Variants in GPC6 observed in about 807,000 individuals in gnomAD.
GPC6 encodes the protein glypican 6, also known as glypican-6.
GPC6 carries 14 observed loss-of-function variants against 55.2 expected under a neutral mutation model. The ratio of observed to expected loss-of-function variants is 0.25; its 90% CI spans 0.17 to 0.40. The LOEUF (loss-of-function observed/expected upper bound fraction) is 0.40. Ranked by LOEUF, GPC6 falls within the 10% of genes least tolerant of loss-of-function variation. GPC6 has a pLI of 1.00. For synonymous variants in GPC6, 278 were observed against 259.6 expected, an observed-to-expected ratio of 1.07 and a Z score of -0.68; for missense variants, 641 against 708.5, an observed-to-expected ratio of 0.90 and a Z score of 1.08.
intron 1 of GPC6, among the ~76,000 whole-genome samples, chr13:93,335,789 C>G (rs2139142802): frequency 6.6e-6 from 1 of 152,224 alleles, no homozygotes; most frequent in Middle Eastern, 3.4e-3. Context: ...AATAAGCCTG[C>G]CATTTCCTAT....
chr13:94,111,758 C>T (rs1886257485), intron 4 of GPC6, among the ~76,000 whole-genome samples: 1 of 152,010 alleles, frequency 6.6e-6, no homozygotes, highest in South Asian at 2.1e-4. Context: ...TTTTCTTCAC[C>T]TTAGTACTCC....
At chr13:93,597,359 A>G (rs904222341) in intron 2 of GPC6, among the ~76,000 whole-genome samples, 1 of 152,182 alleles carries the variant, frequency 6.6e-6, no homozygotes, top group African/African-American at 2.4e-5. Context: ...GCCTTTCCCT[A>G]TGGTGGTGTG....
chr13:94,060,276 G>A (rs903952075), intron 4 of GPC6, among the ~76,000 whole-genome samples: 3 of 152,166 alleles, frequency 2.0e-5, no homozygotes, highest in East Asian at 1.9e-4. Flanking sequence ...CAGTCTATAT[G>A]ATTTACTTAT....
At chr13:94,117,539 G>A (rs1886475700) in intron 4 of GPC6, among the ~76,000 whole-genome samples, 1 of 152,100 alleles carries the variant, frequency 6.6e-6, no homozygotes, top group Non-Finnish European at 1.5e-5. Context: ...GGAAGAGGAA[G>A]AAGAGGTGGT....
intron 1 of GPC6, among the ~76,000 whole-genome samples, chr13:93,295,352 A>G (rs918212463): frequency 6.6e-6 from 1 of 151,564 alleles, no homozygotes; most frequent in African/African-American, 2.4e-5. Context: ...AAAGAATCCT[A>G]TAGACTAGGT....
intron 1 of GPC6, among the ~76,000 whole-genome samples, chr13:93,516,846 G>A (rs531341142): frequency 6.6e-6 from 1 of 152,172 alleles, no homozygotes; most frequent in Non-Finnish European, 1.5e-5. Context: ...TTTGAATTGG[G>A]TGGATATGCA....
intron 4 of GPC6, among the ~76,000 whole-genome samples, chr13:94,228,686 A>T (rs1890628891): frequency 6.6e-6 from 1 of 152,128 alleles, no homozygotes; most frequent in African/African-American, 2.4e-5. Flanking sequence ...ACGTACACAT[A>T]GGCCTAAAGA....
intron 1 of GPC6, among the ~76,000 whole-genome samples, chr13:93,510,897 G>A (rs1233745829): frequency 6.9e-6 from 1 of 144,562 alleles, no homozygotes; most frequent in Non-Finnish European, 1.5e-5. Context: ...CATAAGTGAT[G>A]TTGAGCAGTT....
At chr13:94,242,501 C>T (rs947561263) in intron 4 of GPC6, among the ~76,000 whole-genome samples, 1 of 152,038 alleles carries the variant, frequency 6.6e-6, no homozygotes, top group Non-Finnish European at 1.5e-5. Flanking sequence ...ACCCAAATGT[C>T]CATCAGTGAT....
At chr13:93,878,527 C>T (rs1874744529) in intron 3 of GPC6, among the ~76,000 whole-genome samples, 1 of 152,060 alleles carries the variant, frequency 6.6e-6, no homozygotes, top group African/African-American at 2.4e-5. Context: ...TACAGCCATG[C>T]ATCACCACAC....
chr13:94,002,281 C>T (rs904492815), intron 3 of GPC6, among the ~76,000 whole-genome samples: 17 of 151,976 alleles, frequency 1.1e-4, no homozygotes, highest in African/African-American at 3.9e-4. Flanking sequence ...GGGGTGCTGC[C>T]GTGTCGGTCA....
intron 2 of GPC6, among the ~76,000 whole-genome samples, chr13:93,573,616 G>C (rs1057134312): frequency 6.6e-6 from 1 of 151,956 alleles, no homozygotes; most frequent in East Asian, 1.9e-4. Context: ...TCGATAAAAT[G>C]AGAAAAAAGG....
chr13:93,223,453 G>GT (rs71688525), upstream of GPC6, among the ~76,000 whole-genome samples: 509 of 151,694 alleles, frequency 3.4e-3, 22 homozygotes, highest in East Asian at 0.084. Context: ...TGTTTGTTTT[G>GT]TTTTTTTTGA....
At chr13:93,824,889 T>A (rs968396479) in intron 2 of GPC6, among the ~76,000 whole-genome samples, 1 of 152,102 alleles carries the variant, frequency 6.6e-6, no homozygotes, top group Non-Finnish European at 1.5e-5. Context: ...ATTCACCACT[T>A]TTTAAGGCAC....
At chr13:93,980,673 G>A (rs1880760715) in intron 3 of GPC6, among the ~76,000 whole-genome samples, 1 of 152,152 alleles carries the variant, frequency 6.6e-6, no homozygotes, top group Non-Finnish European at 1.5e-5. Flanking sequence ...TCCAGGAGGT[G>A]GGGGCATTCA....
At chr13:94,137,761 C>CA (rs1887237925) in intron 4 of GPC6, among the ~76,000 whole-genome samples, 1 of 152,152 alleles carries the variant, frequency 6.6e-6, no homozygotes, top group South Asian at 2.1e-4. Flanking sequence ...ATGAGCAAGG[C>CA]AAAATGACCT....
At chr13:93,268,634 T>C (rs1202817237) in intron 1 of GPC6, among the ~76,000 whole-genome samples, 5 of 152,186 alleles carry the variant, frequency 3.3e-5, no homozygotes, top group Admixed American at 6.5e-5. Context: ...ACTAATTTTA[T>C]GTTAGTGCTG....
chr13:93,646,173 TC>T (rs1880161530), intron 2 of GPC6, among the ~76,000 whole-genome samples: 2 of 152,296 alleles, frequency 1.3e-5, no homozygotes, highest in Non-Finnish European at 2.9e-5. Flanking sequence ...TGCAGTCATA[TC>T]AAATAATATG....
chr13:94,390,616 C>A (rs1490428871), intron 7 of GPC6, among the ~76,000 whole-genome samples: 3 of 152,078 alleles, frequency 2.0e-5, no homozygotes, highest in Non-Finnish European at 4.4e-5. Flanking sequence ...GAGAACAACA[C>A]CAAAGGGGAA....
Sources: allele counts gnomAD v4.1 joint callset (sites outside exome capture counted in the v4.1 genomes callset), GRCh38; gene constraint gnomAD v4.1.1; transcripts MANE v1.5; gene names NCBI Gene and HGNC (gene_info 2026-07-23, HGNC 2026-07-21).